TFCP2L1: variants seen among roughly 807,000 people sequenced by gnomAD.
TFCP2L1 encodes the protein transcription factor CP2-like protein 1.
Under a neutral mutation model 72.2 loss-of-function variants are expected in TFCP2L1, and 12 were observed. The observed-to-expected ratio is 0.17, with a 90% confidence interval of 0.11 to 0.27. TFCP2L1 has a LOEUF of 0.27. Ranked by LOEUF, TFCP2L1 falls within the 10% of genes least tolerant of loss-of-function variation. The pLI, the probability that TFCP2L1 is intolerant of heterozygous loss-of-function variation, is 1.00. For synonymous variants in TFCP2L1, 260 were observed against 251.0 expected, an observed-to-expected ratio of 1.04 and a Z score of -0.34; for missense variants, 488 against 624.6, an observed-to-expected ratio of 0.78 and a Z score of 2.33.
At chr2:121,231,757 G>T in intron 13 of TFCP2L1, 69 bp downstream of exon 13, 1 of 1,577,038 alleles carries the variant, frequency 6.3e-7, no homozygotes, top group Non-Finnish European at 8.6e-7. Flanking sequence ...TGTTTCTGGG[G>T]CAGGGGTTCT....
At chr2:121,240,067 C>A in intron 7 of TFCP2L1, 1 of 984,978 alleles carries the variant, frequency 1.0e-6, no homozygotes, top group Non-Finnish European at 1.2e-6. Flanking sequence ...AACTTCCAAA[C>A]AAAAAAATAA....
At chr2:121,248,717 G>C (rs1441900042) in intron 4 of TFCP2L1, among the ~76,000 whole-genome samples, 1 of 152,022 alleles carries the variant, frequency 6.6e-6, no homozygotes, top group East Asian at 1.9e-4. Flanking sequence ...ATCCTTTAAG[G>C]CACCATCCTT....
chr2:121,242,411 G>T lies in TFCP2L1; in HGVS notation c.716C>A (p.Ala239Asp). Residue 239 changes from alanine (A) to aspartate (D), a missense_variant, in exon 7 of 15, where the codon GCC becomes GAC. Around this residue, in one of 3 missense-constraint regions of TFCP2L1, gnomAD observed 286 missense variants for 329.0 expected, o/e 0.87. Transcript: ENST00000263707. ...CGGCTGGTATTTCTCCTTCTCTTGG[G>T]CAGTTCTTTTCTCCATCTTCTCCCG... ...TDREKMEKRTAQEKEKYQPSY... is the reference protein window; with the variant it reads ...TDREKMEKRTDQEKEKYQPSY... The T allele has an allele frequency of 6.2e-7, 1 of 1,614,198 alleles. No individual in the cohort carries two copies. Among genetic ancestry groups the T allele is most frequent in the Admixed American group, 1.7e-5 (1 of 60,026 alleles).
intron 2 of TFCP2L1, among the ~76,000 whole-genome samples, chr2:121,280,078 A>G (rs1687224927): frequency 6.6e-6 from 1 of 152,162 alleles, no homozygotes; most frequent in South Asian, 2.1e-4. Flanking sequence ...GTGTTCTGGA[A>G]AAGGGAACCA....
Position 121,221,757 on chromosome 2 carries a change from G to T in TFCP2L1, c.*2584C>A, listed in dbSNP as rs965393064. 1.3e-5 allele frequency: 2 copies of T among 152,120 alleles called. No individual in the cohort carries two copies. The highest frequency in any genetic ancestry group is 2.1e-4 in the South Asian group (1 of 4,828). The allele number at this position is 152,120 out of a possible 1,614,324, so 9.4% of individuals were successfully genotyped here. A position where few individuals can be genotyped will look rare whatever the true frequency, so the allele number is the denominator to read the frequency against. On this transcript the variant is annotated 3_prime_UTR_variant, in exon 15 of 15. Coordinates refer to ENST00000263707, the MANE Select transcript of TFCP2L1 (RefSeq NM_014553.3). ...CAATAGAAAAAAAATACGTATCTTG[G>T]AAATCATCAAAGTTAAAAAGTTTTG... is the stretch of plus-strand genomic sequence containing the variant.
At chr2:121,265,127 A>T (rs1049283482) in intron 2 of TFCP2L1, among the ~76,000 whole-genome samples, 8 of 152,272 alleles carry the variant, frequency 5.3e-5, no homozygotes, top group African/African-American at 1.4e-4. Context: ...CCACAGTGGA[A>T]TATTATTTAG....
intron 2 of TFCP2L1, among the ~76,000 whole-genome samples, chr2:121,275,923 C>T (rs891520493): frequency 2.6e-5 from 4 of 152,070 alleles, no homozygotes; most frequent in African/African-American, 4.8e-5. Context: ...TTATTGGGAA[C>T]GGCTAAAAAG....
chr2:121,247,730 A>G (rs1686517952), intron 5 of TFCP2L1, among the ~76,000 whole-genome samples: 1 of 152,190 alleles, frequency 6.6e-6, no homozygotes, highest in Non-Finnish European at 1.5e-5. Context: ...GCCAGGATCA[A>G]GCCAGAACCG....
chr2:121,263,173 T>C (rs928903018), intron 2 of TFCP2L1, among the ~76,000 whole-genome samples: 1 of 152,174 alleles, frequency 6.6e-6, no homozygotes, highest in Non-Finnish European at 1.5e-5. Context: ...CGACCTCAGG[T>C]GATCTGCCTG....
At position 121,225,430 on chromosome 2, in the gene TFCP2L1, C is replaced by T. The variant is rs1246239972; in HGVS notation, c.1393+132G>A. On this transcript the variant is annotated intron_variant, in intron 14 of 14. Coordinates refer to ENST00000263707, the MANE Select transcript of TFCP2L1 (RefSeq NM_014553.3). ...CTGCCATTTCTAGGGCTAGCTTTCA[C>T]GGAGAGTTTGTGCTTTCTTTTTCTC... 27 of 859,468 alleles carry T rather than the reference C, an allele frequency of 3.1e-5. No individual in the cohort carries two copies. In the Middle Eastern group the frequency reaches 1.0e-3, roughly 32 times the overall value. The allele number at this position is 859,468 out of a possible 1,614,324, so 53.2% of individuals were successfully genotyped here.
rs1320141187 is a variant in TFCP2L1, at chr2:121,223,560, AAT to A, written c.*779_*780del. 1 of 152,398 alleles carries A rather than the reference AAT, an allele frequency of 6.6e-6. No homozygotes were observed. The allele number at this position is 152,398 out of a possible 1,614,324, so 9.4% of individuals were successfully genotyped here. ...CTTACCCGTGATTGCCAGGAAATAA[AAT>A]AGTCTTTTTCTATTACCATCCCCCT... is the stretch of plus-strand genomic sequence containing the variant. On this transcript the variant is annotated 3_prime_UTR_variant, in exon 15 of 15. Coordinates refer to ENST00000263707, the MANE Select transcript of TFCP2L1 (RefSeq NM_014553.3).
rs185110135 is a variant in TFCP2L1, at chr2:121,220,496, A to C, written c.*3845T>G. On this transcript the variant is annotated 3_prime_UTR_variant, in exon 15 of 15. Transcript: ENST00000263707. ...GCAAAAACCGTGACGACCTAAGAGT[A>C]AGGAACTCAGCTTTGGGCTTCCAGT... is the stretch of plus-strand genomic sequence containing the variant. 77 of 152,376 alleles carry C rather than the reference A, an allele frequency of 5.1e-4. No individual in the cohort carries two copies. The highest frequency in any genetic ancestry group is 1.7e-3 in the African/African-American group (72 of 41,584). 9.4% of individuals were successfully genotyped at this position (152,376 alleles called of 1,614,324 possible).
At chr2:121,271,743 G>A (rs1258544298) in intron 2 of TFCP2L1, among the ~76,000 whole-genome samples, 2 of 152,062 alleles carry the variant, frequency 1.3e-5, no homozygotes, top group African/African-American at 2.4e-5. Context: ...AGGAAACTCG[G>A]GCTCCAAAGA....
chr2:121,249,190 T>C, intron 3 of TFCP2L1, 103 bp from the exon 4 acceptor site: 10 of 845,084 alleles, frequency 1.2e-5, no homozygotes, highest in South Asian at 2.0e-5. Context: ...TTGAGGCCCC[T>C]CCCCCTGGGG....
At chr2:121,255,574 G>A (rs904787162) in intron 2 of TFCP2L1, among the ~76,000 whole-genome samples, 2 of 152,182 alleles carry the variant, frequency 1.3e-5, no homozygotes, top group Non-Finnish European at 2.9e-5. Flanking sequence ...GAGAGGTGAA[G>A]TGTCCTGTTA....
intron 2 of TFCP2L1, among the ~76,000 whole-genome samples, chr2:121,251,248 T>C (rs1437436009): frequency 6.6e-6 from 1 of 151,794 alleles, no homozygotes; most frequent in African/African-American, 2.4e-5. Context: ...AGAGTGAGAC[T>C]TGGTCTCAAA....
chr2:121,277,109 C>T (rs1036204884), intron 2 of TFCP2L1, among the ~76,000 whole-genome samples: 6 of 151,968 alleles, frequency 3.9e-5, no homozygotes, highest in Non-Finnish European at 8.8e-5. Flanking sequence ...ACATAAACAC[C>T]CCAACAAAAA....
intron 10 of TFCP2L1, 115 bp from the exon 11 acceptor site, chr2:121,235,426 G>C: frequency 9.9e-7 from 1 of 1,008,464 alleles, no homozygotes. Context: ...AGAGCCAGCT[G>C]CACTATCTCA....
chr2:121,230,583 C>A lies in TFCP2L1; in HGVS notation c.1341+1243G>T, dbSNP rs542335809. Among the ~76,000 whole-genome samples, 113 of 152,268 alleles carry A rather than the reference C, an allele frequency of 7.4e-4. 1 individual carries two copies. The highest frequency in any genetic ancestry group is 4.1e-3 in the South Asian group (20 of 4,824). ...ATCACTTGAGCCCAGGAGTTTCAGA[C>A]CAGCCTGGGCAACATGGCAAAACCC... On this transcript the variant is annotated intron_variant, in intron 13 of 14. Transcript: ENST00000263707.
Sources: gnomAD v4.1 joint callset for allele counts (sites outside exome capture counted in the v4.1 genomes callset) on GRCh38, gnomAD v4.1.1 for gene constraint, gnomAD v4.1.1 regional missense constraint, MANE v1.5 for transcripts, NCBI Gene and HGNC (gene_info 2026-07-23, HGNC 2026-07-21) for gene names.